PDE8B: variants seen among roughly 807,000 people sequenced by gnomAD.
PDE8B encodes phosphodiesterase 8B.
A neutral mutation model predicts 101.3 loss-of-function variants in PDE8B; 26 were observed. The observed-to-expected ratio is 0.26, with a 90% CI of 0.19 to 0.36. PDE8B has a LOEUF of 0.36. PDE8B is among the 10% of genes least tolerant of loss of function. The pLI, the probability that PDE8B is intolerant of heterozygous loss-of-function variation, is 1.00. For synonymous variants in PDE8B, 424 were observed against 429.3 expected, an observed-to-expected ratio of 0.99 and a Z score of 0.15; for missense variants, 810 against 1,163.1, an observed-to-expected ratio of 0.70 and a Z score of 4.42.
chr5:77,340,030 A>G (rs1402312889), intron 6 of PDE8B, among the ~76,000 whole-genome samples: 1 of 152,184 alleles, frequency 6.6e-6, no homozygotes, highest in Non-Finnish European at 1.5e-5. Context: ...AATGATGACT[A>G]TTTATCTCTT....
At chr5:77,175,900 C>T in the PDE8B span, among the ~76,000 whole-genome samples, 10 of 152,198 alleles carry the variant, frequency 6.6e-5, no homozygotes, top group Non-Finnish European at 8.8e-5. Context: ...AGCTTGTTAG[C>T]ATCATCAACA....
At chr5:77,382,639 C>A (rs1032486860) in intron 10 of PDE8B, among the ~76,000 whole-genome samples, 1 of 150,896 alleles carries the variant, frequency 6.6e-6, no homozygotes, top group Non-Finnish European at 1.5e-5. Flanking sequence ...CTCACTGTGT[C>A]CATGTGTTCT....
At chr5:77,251,600 C>A (rs537902783) in intron 1 of PDE8B, among the ~76,000 whole-genome samples, 12 of 152,124 alleles carry the variant, frequency 7.9e-5, no homozygotes, top group Admixed American at 3.3e-4. Context: ...TGACTTCTTC[C>A]CATGATACTT....
chr5:77,180,310 C>T, the PDE8B span: 1 of 391,108 alleles, frequency 2.6e-6, no homozygotes, highest in Non-Finnish European at 3.5e-6. Flanking sequence ...TGCCAGAGTC[C>T]CACGGAGCAA....
chr5:77,337,655 T>C (rs1778445414), intron 6 of PDE8B, among the ~76,000 whole-genome samples: 1 of 152,230 alleles, frequency 6.6e-6, no homozygotes, highest in Non-Finnish European at 1.5e-5. Flanking sequence ...ATTTATACAT[T>C]TTTACTTGGA....
chr5:77,391,105 T>C (rs1026469988), intron 10 of PDE8B, among the ~76,000 whole-genome samples: 2 of 152,202 alleles, frequency 1.3e-5, no homozygotes, highest in African/African-American at 2.4e-5. Context: ...TGAGCTCAAC[T>C]AAGTATTAAG....
intron 10 of PDE8B, among the ~76,000 whole-genome samples, chr5:77,365,380 G>A (rs1783931211): frequency 6.6e-6 from 1 of 152,116 alleles, no homozygotes. Flanking sequence ...GAGCTTTCCT[G>A]CTGGATGTCT....
chr5:77,255,817 G>A (rs993409458), intron 1 of PDE8B, among the ~76,000 whole-genome samples: 17 of 152,232 alleles, frequency 1.1e-4, no homozygotes, highest in African/African-American at 4.1e-4. Context: ...GTCTACTACA[G>A]ATCCGGGTAC....
intron 1 of PDE8B, among the ~76,000 whole-genome samples, chr5:77,254,553 C>T (rs1443094029): frequency 6.6e-6 from 1 of 152,160 alleles, no homozygotes; most frequent in African/African-American, 2.4e-5. Context: ...TTCTGCCTTT[C>T]TCACAAAGGG....
the PDE8B span, chr5:77,148,167 T>G: frequency 6.6e-6 from 1 of 152,248 alleles, no homozygotes; most frequent in African/African-American, 2.4e-5. Flanking sequence ...TTGTCTCATT[T>G]GTCTTTTAAC....
At chr5:77,316,288 C>A (rs1262347691) in intron 2 of PDE8B, among the ~76,000 whole-genome samples, 1 of 152,182 alleles carries the variant, frequency 6.6e-6, no homozygotes, top group Non-Finnish European at 1.5e-5. Flanking sequence ...GGCTGGAGTG[C>A]AGTGGCACGA....
chr5:77,100,127 T>C, the PDE8B span: 1 of 152,224 alleles, frequency 6.6e-6, no homozygotes, highest in Admixed American at 6.5e-5. Flanking sequence ...GTGGTTTATG[T>C]ACATCTATTC....
chr5:77,172,977 T>C, the PDE8B span, among the ~76,000 whole-genome samples: 1 of 152,274 alleles, frequency 6.6e-6, no homozygotes, highest in South Asian at 2.1e-4. Context: ...TACACCAGAG[T>C]GCCATAACCC....
chr5:77,122,463 C>T, the PDE8B span, among the ~76,000 whole-genome samples: 1 of 152,178 alleles, frequency 6.6e-6, no homozygotes, highest in Non-Finnish European at 1.5e-5. Flanking sequence ...TCTGCTAGTG[C>T]GTACATTCAC....
In PDE8B at chr5:77,308,809, C is replaced by T. The variant is rs562855778; in HGVS notation, c.340-3185C>T. On this transcript the variant is annotated intron_variant, in intron 1 of 21. Coordinates refer to ENST00000264917, the MANE Select transcript of PDE8B (RefSeq NM_003719.5). The stretch of plus-strand genomic sequence containing the variant: ...ATATTCTCCTGGTAGAGTCAAAAGT[C>T]GCCTGCCCTTCCCCGCCAGCCCACC... Among the ~76,000 whole-genome samples, 6 of 152,200 alleles carry T rather than the reference C, an allele frequency of 3.9e-5. No homozygotes were observed. The South Asian group carries it at 6.2e-4, about 16-fold the overall frequency.
the PDE8B span, among the ~76,000 whole-genome samples, chr5:77,191,157 G>A: frequency 2.6e-5 from 4 of 152,086 alleles, no homozygotes; most frequent in African/African-American, 2.4e-5. Flanking sequence ...TGTCCTATTG[G>A]ATTAGGGTCC....
chr5:77,139,720 T>G, the PDE8B span: 3 of 152,258 alleles, frequency 2.0e-5, no homozygotes, highest in African/African-American at 7.2e-5. Context: ...TATTCAACCA[T>G]TAAATATTTC....
Position 77,343,518 on chromosome 5 carries a change from C to A in PDE8B, c.798-1335C>A, listed in dbSNP as rs542389870. On this transcript the variant is annotated intron_variant, in intron 6 of 21. Transcript: ENST00000264917. ...CAGTATAAAAAGAGTTAAAATGGTGCACTTGTATAAGGCACTTAGCATGAA... is the reference window on the plus strand; with the variant it reads ...CAGTATAAAAAGAGTTAAAATGGTGAACTTGTATAAGGCACTTAGCATGAA... Among the ~76,000 whole-genome samples the A allele has an allele frequency of 1.6e-4, 25 of 152,256 alleles. No homozygotes were observed. The South Asian group carries it at 5.0e-3, about 30-fold the overall frequency.
At chr5:77,190,031 G>A in the PDE8B span, among the ~76,000 whole-genome samples, 1 of 152,218 alleles carries the variant, frequency 6.6e-6, no homozygotes, top group African/African-American at 2.4e-5. Context: ...ATATCTCTAA[G>A]GCCCCTTCTA....
Sources: gnomAD v4.1 joint callset for allele counts (sites outside exome capture counted in the v4.1 genomes callset) on GRCh38, gnomAD v4.1.1 for gene constraint, MANE v1.5 for transcripts, NCBI Gene and HGNC (gene_info 2026-07-23, HGNC 2026-07-21) for gene names.